Variants in SPATA13 observed in about 807,000 individuals in gnomAD.
The protein encoded by SPATA13 is spermatogenesis associated 13, also known as spermatogenesis-associated protein 13.
In SPATA13, 50 loss-of-function variants were observed where a neutral mutation model predicts 104.0. That is an observed-to-expected ratio of 0.48 (90% CI 0.38 to 0.61). The LOEUF is 0.61. Among genes scored for constraint, SPATA13 ranks in the 20% least tolerant of loss-of-function variants. The pLI is 0.00. For missense variants in SPATA13, 1,524 were observed against 1,690.6 expected (o/e 0.90, Z 1.73); for synonymous variants, 606 against 667.5 (o/e 0.91, Z 1.42).
At chr13:24,024,371 A>T (rs892267048) in intron 3 of SPATA13, among the ~76,000 whole-genome samples, 1 of 152,114 alleles carries the variant, frequency 6.6e-6, no homozygotes, top group African/African-American at 2.4e-5. Context: ...GGATGGATGG[A>T]TGGATGGATG....
At chr13:24,139,087 G>T (rs571614124) in intron 3 of SPATA13, among the ~76,000 whole-genome samples, 1 of 152,258 alleles carries the variant, frequency 6.6e-6, no homozygotes, top group East Asian at 1.9e-4. Flanking sequence ...AGCTCCGGGG[G>T]TGCATCCTTC....
chr13:24,300,663 G>T, intron 12 of SPATA13, 188 bp downstream of exon 12: 2 of 599,480 alleles, frequency 3.3e-6, no homozygotes, highest in Non-Finnish European at 6.0e-6. Flanking sequence ...ATGTGCGTCA[G>T]TGTTTGCTTC....
At chr13:23,983,585 C>T (rs1291892530) in intron 1 of SPATA13, 1 of 151,558 alleles carries the variant, frequency 6.6e-6, no homozygotes, top group Non-Finnish European at 1.5e-5. Context: ...TCTCTTAGCA[C>T]AAATAAATGG....
At chr13:24,065,718 G>T (rs1000652468) in intron 3 of SPATA13, among the ~76,000 whole-genome samples, 1 of 152,224 alleles carries the variant, frequency 6.6e-6, no homozygotes, top group African/African-American at 2.4e-5. Context: ...TTGTTTCATA[G>T]ATATTTATGA....
chr13:24,152,670 G>A (rs893950635), intron 3 of SPATA13, among the ~76,000 whole-genome samples: 2 of 152,186 alleles, frequency 1.3e-5, no homozygotes, highest in African/African-American at 4.8e-5. Flanking sequence ...TCCTGCTGTG[G>A]AAGATGTCTC....
At chr13:24,257,352 C>T (rs1405454227) in intron 4 of SPATA13, among the ~76,000 whole-genome samples, 1 of 152,010 alleles carries the variant, frequency 6.6e-6, no homozygotes, top group African/African-American at 2.4e-5. Flanking sequence ...ATGGGTAGAC[C>T]CCTTTCAAAA....
chr13:24,151,391 T>C (rs2138471047), intron 3 of SPATA13, among the ~76,000 whole-genome samples: 1 of 152,178 alleles, frequency 6.6e-6, no homozygotes, highest in East Asian at 1.9e-4. Flanking sequence ...CTCTCCCTGG[T>C]TTTAATGATG....
intron 3 of SPATA13, among the ~76,000 whole-genome samples, chr13:24,021,977 C>T (rs1187048831): frequency 6.6e-6 from 1 of 151,902 alleles, no homozygotes; most frequent in Non-Finnish European, 1.5e-5. Context: ...TCCCAAAGTG[C>T]TGGGATTACA....
At chr13:24,002,015 G>A (rs1002158189) in intron 2 of SPATA13, among the ~76,000 whole-genome samples, 2 of 152,090 alleles carry the variant, frequency 1.3e-5, no homozygotes, top group Admixed American at 1.3e-4. Context: ...GGGAGCAGAG[G>A]TGGATGGTGC....
intron 1 of SPATA13, among the ~76,000 whole-genome samples, chr13:24,200,436 C>T (rs1035986997): frequency 2.6e-5 from 4 of 152,086 alleles, no homozygotes; most frequent in African/African-American, 9.7e-5. Flanking sequence ...CAAGTAAACA[C>T]CATGTATGCA....
At chr13:24,235,436 A>G (rs1438192917) in intron 2 of SPATA13, among the ~76,000 whole-genome samples, 2 of 152,362 alleles carry the variant, frequency 1.3e-5, no homozygotes, top group African/African-American at 2.4e-5. Flanking sequence ...GATTGCTTGT[A>G]AAAACTTTTC....
intron 1 of SPATA13, among the ~76,000 whole-genome samples, chr13:24,171,503 G>A (rs559530869): frequency 6.6e-6 from 1 of 152,300 alleles, no homozygotes; most frequent in South Asian, 2.1e-4. Context: ...ATGACAGTGG[G>A]AGTGCCACAA....
intron 9 of SPATA13, among the ~76,000 whole-genome samples, chr13:24,293,362 A>G (rs1876539785): frequency 6.6e-6 from 1 of 152,138 alleles, no homozygotes; most frequent in South Asian, 2.1e-4. Flanking sequence ...AGTCAGAGCC[A>G]AAGACAATTA....
At chr13:24,119,283 A>G (rs1880958860) in intron 3 of SPATA13, among the ~76,000 whole-genome samples, 1 of 152,054 alleles carries the variant, frequency 6.6e-6, no homozygotes, top group South Asian at 2.1e-4. Flanking sequence ...TCAGAATAAC[A>G]TGGCCAGTTT....
chr13:24,060,260 G>C (rs1461836401), intron 3 of SPATA13, among the ~76,000 whole-genome samples: 1 of 152,154 alleles, frequency 6.6e-6, no homozygotes, highest in East Asian at 1.9e-4. Flanking sequence ...ACAGAATAGA[G>C]AGCCCAGAAA....
At position 24,161,076 on chromosome 13, in the gene SPATA13, C is replaced by A; in HGVS notation, c.-112+144C>A. The A allele has an allele frequency of 2.2e-6, 1 of 446,806 alleles. No individual in the cohort carries two copies. The highest frequency in any genetic ancestry group is 3.0e-6 in the Non-Finnish European group (1 of 337,182). The allele number at this position is 446,806 out of a possible 1,614,324, so 27.7% of individuals were successfully genotyped here. A position where few individuals can be genotyped will look rare whatever the true frequency, so the allele number is the denominator to read the frequency against. On this transcript the variant is annotated intron_variant, in intron 1 of 12. Transcript: ENST00000382108. The surrounding 1 kb of genome is among the most constrained non-coding windows in gnomAD (Gnocchi z 4.5). ...CCAGCTGCTTGGCCTCTGCTTCCCC[C>A]GCCGGTGGAGGCTACCGGGTGCTCA...
At chr13:24,107,607 T>G (rs947564304) in intron 3 of SPATA13, among the ~76,000 whole-genome samples, 1 of 152,224 alleles carries the variant, frequency 6.6e-6, no homozygotes, top group African/African-American at 2.4e-5. Context: ...CACTCTTATA[T>G]TTATATGTCT....
At chr13:24,008,099 G>A (rs1876312306) in intron 2 of SPATA13, among the ~76,000 whole-genome samples, 1 of 152,352 alleles carries the variant, frequency 6.6e-6, no homozygotes, top group East Asian at 1.9e-4. Flanking sequence ...CCCTGTGAAG[G>A]TTAAGGAAGG....
intron 3 of SPATA13, among the ~76,000 whole-genome samples, chr13:24,057,500 A>G (rs1229487549): frequency 2.6e-5 from 4 of 152,084 alleles, no homozygotes; most frequent in Admixed American, 1.3e-4. Context: ...TCCATATGGG[A>G]CTGGGTGATG....
Sources: gnomAD v4.1 joint callset for allele counts (sites outside exome capture counted in the v4.1 genomes callset) on GRCh38, gnomAD v4.1.1 for gene constraint, Gnocchi (gnomAD v3.1) non-coding constraint, MANE v1.5 for transcripts, NCBI Gene and HGNC (gene_info 2026-07-23, HGNC 2026-07-21) for gene names.